The following ARHGAP10 variants were observed in gnomAD, a reference collection of about 807,000 sequenced individuals.
ARHGAP10 encodes the protein Rho GTPase activating protein 10, also known as rho GTPase-activating protein 10.
ARHGAP10 carries 87 observed loss-of-function variants against 108.6 expected under a neutral mutation model. That is an observed-to-expected ratio of 0.80 (90% CI 0.67 to 0.96). ARHGAP10 has a LOEUF of 0.96. Ranked by LOEUF, ARHGAP10 falls within the 40% of genes least tolerant of loss-of-function variation. The probability of loss-of-function intolerance (pLI) is 0.00; values close to 1 mark genes in which losing one functional copy is unlikely to be tolerated. For synonymous variants in ARHGAP10, 347 were observed against 341.1 expected, an observed-to-expected ratio of 1.02 and a Z score of -0.19; for missense variants, 939 against 954.5, an observed-to-expected ratio of 0.98 and a Z score of 0.21.
chr4:147,819,244 A>G (rs1732384834), intron 1 of ARHGAP10, among the ~76,000 whole-genome samples: 1 of 152,224 alleles, frequency 6.6e-6, no homozygotes, highest in African/African-American at 2.4e-5. Flanking sequence ...ATTTTGGATA[A>G]AATAATGAAA....
chr4:148,009,737 G>T (rs776395778), intron 18 of ARHGAP10, among the ~76,000 whole-genome samples: 3 of 152,126 alleles, frequency 2.0e-5, no homozygotes, highest in Non-Finnish European at 4.4e-5. Flanking sequence ...TCTCCATCTA[G>T]TCAGATGGAC....
chr4:148,064,635 G>A (rs1729782355), intron 22 of ARHGAP10, 128 bp downstream of exon 22: 1 of 735,042 alleles, frequency 1.4e-6, no homozygotes, highest in Non-Finnish European at 2.1e-6. Flanking sequence ...GCTTTGGACT[G>A]GATTAAGCGG....
At chr4:147,820,559 A>G (rs1365931279) in intron 1 of ARHGAP10, among the ~76,000 whole-genome samples, 2 of 137,514 alleles carry the variant, frequency 1.5e-5, no homozygotes, top group African/African-American at 5.4e-5. Flanking sequence ...GTGCTGTTAC[A>G]GGCGTGGGCT....
intron 17 of ARHGAP10, among the ~76,000 whole-genome samples, chr4:147,966,337 A>G (rs1407265743): frequency 6.6e-6 from 1 of 152,140 alleles, no homozygotes; most frequent in Non-Finnish European, 1.5e-5. Flanking sequence ...TTCTTTATCC[A>G]TGGGTTTCCT....
At chr4:148,065,699 T>G (rs1452613752) in intron 22 of ARHGAP10, 2 of 152,206 alleles carry the variant, frequency 1.3e-5, no homozygotes, top group Non-Finnish European at 2.9e-5. Flanking sequence ...ATGTGATGAA[T>G]TTTTATTTTG....
intron 5 of ARHGAP10, among the ~76,000 whole-genome samples, chr4:147,860,316 C>A (rs908107304): frequency 4.6e-5 from 7 of 152,150 alleles, no homozygotes; most frequent in Admixed American, 6.5e-5. Context: ...GTGGCAGGTG[C>A]CTGCAGTCCC....
chr4:147,967,055 G>A (rs1488112253), intron 18 of ARHGAP10, among the ~76,000 whole-genome samples: 1 of 152,110 alleles, frequency 6.6e-6, no homozygotes, highest in African/African-American at 2.4e-5. Context: ...TTATCTCCCT[G>A]GTTTAATGAA....
At chr4:147,984,094 G>C (rs1160697496) in intron 18 of ARHGAP10, among the ~76,000 whole-genome samples, 1 of 152,144 alleles carries the variant, frequency 6.6e-6, no homozygotes, top group Non-Finnish European at 1.5e-5. Context: ...GTTGCAGAGA[G>C]GTTCCTACAG....
intron 10 of ARHGAP10, among the ~76,000 whole-genome samples, chr4:147,889,691 T>C (rs1160916489): frequency 6.6e-6 from 1 of 152,244 alleles, no homozygotes; most frequent in African/African-American, 2.4e-5. Flanking sequence ...TATCTGTTTT[T>C]GCTATTTTTT....
intron 7 of ARHGAP10, among the ~76,000 whole-genome samples, chr4:147,873,817 A>C (rs900632359): frequency 6.8e-6 from 1 of 147,652 alleles, no homozygotes; most frequent in Non-Finnish European, 1.5e-5. Flanking sequence ...TGAGGCTGTG[A>C]TGAGGTATTA....
intron 9 of ARHGAP10, among the ~76,000 whole-genome samples, chr4:147,881,545 G>GGA (rs1330098224): frequency 1.3e-5 from 2 of 151,604 alleles, no homozygotes; most frequent in African/African-American, 4.8e-5. Context: ...GGCTGAGGCA[G>GGA]GAGAATCACT....
Position 147,909,720 on chromosome 4 carries a change from CTCTTT to C in ARHGAP10, c.1117-10_1117-6del. On this transcript the variant is annotated splice_polypyrimidine_tract_variant and splice_region_variant and intron_variant, in intron 11 of 22. Coordinates refer to ENST00000336498, the MANE Select transcript of ARHGAP10 (RefSeq NM_024605.4). ...GATTAAAAAATTCTGTTTTTCCATT[CTCTTT>C]TATTAGCTGTCCCATAGTTTTAATA... 1 of 1,606,746 alleles carries C rather than the reference CTCTTT, an allele frequency of 6.2e-7. No homozygotes were observed. The highest frequency in any genetic ancestry group is 8.5e-7 in the Non-Finnish European group (1 of 1,174,580).
chr4:147,817,398 T>C (rs1390026056), intron 1 of ARHGAP10, among the ~76,000 whole-genome samples: 1 of 152,188 alleles, frequency 6.6e-6, no homozygotes, highest in East Asian at 1.9e-4. Flanking sequence ...TAATATCTCA[T>C]GGTCTTAACT....
chr4:147,786,885 CCTCA>C (rs1730912417), intron 1 of ARHGAP10, among the ~76,000 whole-genome samples: 1 of 152,236 alleles, frequency 6.6e-6, no homozygotes, highest in African/African-American at 2.4e-5. Context: ...TCTCTGCTGT[CCTCA>C]CTCTTGTGAC....
At chr4:148,065,816 T>G (rs1359493429) in intron 22 of ARHGAP10, among the ~76,000 whole-genome samples, 1 of 152,006 alleles carries the variant, frequency 6.6e-6, no homozygotes. Flanking sequence ...AGGCTGCAGG[T>G]AACAAAAATT....
At chr4:147,755,377 A>G (rs1436047153) in intron 1 of ARHGAP10, among the ~76,000 whole-genome samples, 1 of 152,016 alleles carries the variant, frequency 6.6e-6, no homozygotes. Flanking sequence ...GTTTTGTTCC[A>G]TCTGACTGTT....
intron 7 of ARHGAP10, 98 bp downstream of exon 7, chr4:147,866,914 A>C (rs1734590321): frequency 9.5e-7 from 1 of 1,052,762 alleles, no homozygotes; most frequent in Admixed American, 2.2e-5. Context: ...GACAATGCTG[A>C]TCTGTTTGTA....
At chr4:147,958,954 A>G (rs1738887296) in intron 16 of ARHGAP10, among the ~76,000 whole-genome samples, 1 of 152,040 alleles carries the variant, frequency 6.6e-6, no homozygotes, top group South Asian at 2.1e-4. Flanking sequence ...GTAAGCTCCT[A>G]ATTCCCTGGC....
At chr4:147,911,080 TC>T (rs1281229202) in intron 12 of ARHGAP10, among the ~76,000 whole-genome samples, 2 of 152,162 alleles carry the variant, frequency 1.3e-5, no homozygotes, top group Non-Finnish European at 2.9e-5. Context: ...TTTCTCTTTT[TC>T]CCTTCTTATT....
Sources: gnomAD v4.1 joint callset for allele counts (sites outside exome capture counted in the v4.1 genomes callset) on GRCh38, gnomAD v4.1.1 for gene constraint, MANE v1.5 for transcripts, NCBI Gene and HGNC (gene_info 2026-07-23, HGNC 2026-07-21) for gene names.